IRAK1BP1: variants seen among roughly 807,000 people sequenced by gnomAD.
IRAK1BP1 encodes interleukin-1 receptor-associated kinase 1-binding protein 1.
In IRAK1BP1, 24 loss-of-function variants were observed where a neutral mutation model predicts 28.0. The observed-to-expected ratio is 0.86, with a 90% CI of 0.62 to 1.20. IRAK1BP1 has a LOEUF of 1.20. IRAK1BP1 is among the 50% of genes most tolerant of loss of function. The probability of loss-of-function intolerance (pLI) is 0.00; values close to 1 mark genes in which losing one functional copy is unlikely to be tolerated. For missense variants in IRAK1BP1, 336 were observed against 316.7 expected, an observed-to-expected ratio of 1.06 and a Z score of -0.46; for synonymous variants, 131 against 116.3, an observed-to-expected ratio of 1.13 and a Z score of -0.81.
chr6:78,968,489 G>C, the IRAK1BP1 span, among the ~76,000 whole-genome samples: 14 of 152,174 alleles, frequency 9.2e-5, no homozygotes, highest in Non-Finnish European at 2.1e-4. Flanking sequence ...TTTTCACATC[G>C]GGGGGTTCCG....
intron 1 of IRAK1BP1, among the ~76,000 whole-genome samples, chr6:78,870,331 A>C (rs1030444667): frequency 3.9e-5 from 6 of 152,032 alleles, no homozygotes; most frequent in African/African-American, 1.4e-4. Flanking sequence ...CCTGCCATGC[A>C]ACACTTCACT....
chr6:78,885,326 G>A, intron 1 of IRAK1BP1, 52 bp from the exon 2 acceptor site: 1 of 970,774 alleles, frequency 1.0e-6, no homozygotes, highest in South Asian at 1.4e-5. Flanking sequence ...ATGTTTTAGA[G>A]TAATTGCATC....
At chr6:78,877,558 C>T (rs899333633) in intron 1 of IRAK1BP1, among the ~76,000 whole-genome samples, 20 of 152,168 alleles carry the variant, frequency 1.3e-4, no homozygotes, top group Non-Finnish European at 2.5e-4. Context: ...CAGCTCCCAG[C>T]GTGAGCGATG....
At chr6:78,965,933 A>G in the IRAK1BP1 span, 12 of 1,570,306 alleles carry the variant, frequency 7.6e-6, no homozygotes, top group African/African-American at 1.3e-5. Flanking sequence ...AATACAACAA[A>G]TATTTCCTTA....
intron 1 of IRAK1BP1, among the ~76,000 whole-genome samples, chr6:78,878,806 A>G (rs901851579): frequency 6.6e-6 from 1 of 152,212 alleles, no homozygotes; most frequent in Non-Finnish European, 1.5e-5. Context: ...AAGACCTTAA[A>G]TGACCTGATG....
chr6:78,939,338 C>T (rs554815592), intron 4 of IRAK1BP1: 1 of 151,608 alleles, frequency 6.6e-6, no homozygotes, highest in Admixed American at 6.6e-5. Flanking sequence ...TGTATATTGA[C>T]ATACCAGCAT....
chr6:78,932,316 A>G (rs1168048667), intron 4 of IRAK1BP1, among the ~76,000 whole-genome samples: 2 of 152,084 alleles, frequency 1.3e-5, no homozygotes, highest in Non-Finnish European at 2.9e-5. Context: ...AATGGCATCT[A>G]GAATGGTGAA....
Position 78,898,411 on chromosome 6 carries a change from A to AATATATATATATATATATATATATATAT in IRAK1BP1, c.*84_*111dup, listed in dbSNP as rs58937738. On this transcript the variant is annotated 3_prime_UTR_variant, in exon 4 of 4. Transcript: ENST00000369940. ...TTTTATAATGTTTACGTTTGTCCTG[A>AATATATATATATATATATATATATATAT]ATATATATATATATATATATATATA... 9.3e-5 allele frequency: 8 copies of AATATATATATATATATATATATATATAT among 86,362 alleles called. 2 individuals carry two copies. Among genetic ancestry groups the AATATATATATATATATATATATATATAT allele is most frequent in the Admixed American group, 1.7e-4 (1 of 5,950 alleles). The allele number at this position is 86,362 out of a possible 1,614,324, so 5.3% of individuals were successfully genotyped here.
intron 4 of IRAK1BP1, among the ~76,000 whole-genome samples, chr6:78,934,086 T>C (rs1773168198): frequency 6.6e-6 from 1 of 152,186 alleles, no homozygotes; most frequent in Admixed American, 6.5e-5. Context: ...AATTTCAATA[T>C]TGGTGTGTCT....
chr6:78,907,982 T>G (rs1413659941), downstream of IRAK1BP1, among the ~76,000 whole-genome samples: 1 of 151,766 alleles, frequency 6.6e-6, no homozygotes, highest in Non-Finnish European at 1.5e-5. Context: ...CCTCCCAAAG[T>G]GCTGGAATTA....
At chr6:78,973,289 T>C in the IRAK1BP1 span, among the ~76,000 whole-genome samples, 12 of 150,002 alleles carry the variant, frequency 8.0e-5, no homozygotes, top group Middle Eastern at 3.2e-3. Context: ...GCTTCATAAG[T>C]GAAGGAGAAA....
At chr6:78,960,450 C>CTTT in the IRAK1BP1 span, among the ~76,000 whole-genome samples, 2 of 137,488 alleles carry the variant, frequency 1.5e-5, no homozygotes, top group Non-Finnish European at 3.2e-5. Context: ...TTAGGAATTC[C>CTTT]TTTTTTTTTT....
intron 4 of IRAK1BP1, among the ~76,000 whole-genome samples, chr6:78,915,234 T>C (rs2127663251): frequency 6.6e-6 from 1 of 152,346 alleles, no homozygotes; most frequent in Admixed American, 6.5e-5. Context: ...ATATGATGCA[T>C]TAAATTATGA....
chr6:78,952,662 C>G, the IRAK1BP1 span, among the ~76,000 whole-genome samples: 1 of 151,988 alleles, frequency 6.6e-6, no homozygotes, highest in East Asian at 1.9e-4. Context: ...CTTACTATCT[C>G]TTTAGTCTGT....
At chr6:78,966,457 G>C in the IRAK1BP1 span, among the ~76,000 whole-genome samples, 1 of 152,064 alleles carries the variant, frequency 6.6e-6, no homozygotes, top group Non-Finnish European at 1.5e-5. Flanking sequence ...CTGTAAGCAA[G>C]TTTCCCCAAC....
chr6:78,976,612 TC>T, the IRAK1BP1 span, among the ~76,000 whole-genome samples: 1 of 143,292 alleles, frequency 7.0e-6, no homozygotes, highest in Admixed American at 7.1e-5. Flanking sequence ...GAGAAAATTT[TC>T]GCAATCTACT....
chr6:78,912,406 T>C (rs966526279), intron 4 of IRAK1BP1, among the ~76,000 whole-genome samples: 1 of 152,150 alleles, frequency 6.6e-6, no homozygotes, highest in Non-Finnish European at 1.5e-5. Context: ...TACAATAATG[T>C]ATCTTGAAGT....
At chr6:78,876,901 T>G (rs911566468) in intron 1 of IRAK1BP1, among the ~76,000 whole-genome samples, 3 of 152,078 alleles carry the variant, frequency 2.0e-5, no homozygotes, top group African/African-American at 7.2e-5. Flanking sequence ...ACAAAAAATC[T>G]CATACTCTGT....
intron 4 of IRAK1BP1, among the ~76,000 whole-genome samples, chr6:78,917,632 T>TAAAAAAAAAAAAAAA (rs35313944): frequency 1.6e-5 from 1 of 63,692 alleles, no homozygotes; most frequent in Admixed American, 1.9e-4. Flanking sequence ...AAGTCAACAC[T>TAAAAAAAAAAAAAAA]AAAAAAAAAA....
Sources: allele counts gnomAD v4.1 joint callset (sites outside exome capture counted in the v4.1 genomes callset), GRCh38; gene constraint gnomAD v4.1.1; transcripts MANE v1.5; gene names NCBI Gene and HGNC (gene_info 2026-07-23, HGNC 2026-07-21).